LETM1: variants seen among roughly 807,000 people sequenced by gnomAD.
The protein encoded by LETM1 is leucine zipper and EF-hand containing transmembrane protein 1.
A neutral mutation model predicts 74.5 loss-of-function variants in LETM1; 50 were observed. The ratio of observed to expected loss-of-function variants is 0.67; its 90% CI spans 0.53 to 0.85. The LOEUF (loss-of-function observed/expected upper bound fraction) is 0.85, where lower values mean the gene tolerates loss of function less well. Ranked by LOEUF, LETM1 falls within the 40% of genes least tolerant of loss-of-function variation. The probability of loss-of-function intolerance (pLI) is 0.00; values close to 1 mark genes in which losing one functional copy is unlikely to be tolerated. For synonymous variants in LETM1, 446 were observed against 407.1 expected, an observed-to-expected ratio of 1.10 and a Z score of -1.15; for missense variants, 824 against 967.8, an observed-to-expected ratio of 0.85 and a Z score of 1.97.
At chr4:1,846,017 C>G (rs1288230234) in intron 2 of LETM1, among the ~76,000 whole-genome samples, 1 of 151,228 alleles carries the variant, frequency 6.6e-6, no homozygotes, top group Admixed American at 6.6e-5. Context: ...ACCATCACAC[C>G]CAGTTATTTT....
chr4:1,851,800 G>C (rs1421791097), intron 1 of LETM1, among the ~76,000 whole-genome samples: 1 of 152,186 alleles, frequency 6.6e-6, no homozygotes, highest in African/African-American at 2.4e-5. Context: ...CCGGCAAGCA[G>C]GCAGGCTGGC....
At chr4:1,848,210 C>A (rs551326825) in intron 2 of LETM1, among the ~76,000 whole-genome samples, 11 of 152,132 alleles carry the variant, frequency 7.2e-5, no homozygotes, top group African/African-American at 2.4e-4. Context: ...TCAAGACCAG[C>A]CTGGCCAACA....
At chr4:1,822,418 C>A in intron 9 of LETM1, 106 bp from the exon 10 acceptor site, 1 of 1,241,060 alleles carries the variant, frequency 8.1e-7, no homozygotes, top group Non-Finnish European at 1.0e-6. Flanking sequence ...GGGAGCAGGC[C>A]TGCAGGTGAC....
At position 1,834,539 on chromosome 4, in the gene LETM1, C is replaced by T; in HGVS notation, c.876+306G>A. 1 of 1,152,860 alleles carries T rather than the reference C, an allele frequency of 8.7e-7. No individual in the cohort carries two copies. Among genetic ancestry groups the T allele is most frequent in the South Asian group, 2.4e-5 (1 of 42,072 alleles). 71.4% of individuals were successfully genotyped at this position (1,152,860 alleles called of 1,614,324 possible). On this transcript the variant is annotated intron_variant, in intron 5 of 13. Coordinates refer to ENST00000302787, the MANE Select transcript of LETM1 (RefSeq NM_012318.3). The surrounding 1 kb of genome is among the most constrained non-coding windows in gnomAD (Gnocchi z 5.0). The stretch of plus-strand genomic sequence containing the variant: ...CCGGCCAAGCCACCCACACCTCACA[C>T]CATCAGGGTCTCAGGCTCCTCATGG...
intron 1 of LETM1, among the ~76,000 whole-genome samples, chr4:1,850,168 A>C (rs1713019802): frequency 1.3e-5 from 2 of 152,050 alleles, no homozygotes; most frequent in Non-Finnish European, 2.9e-5. Context: ...AAGAAAAAAA[A>C]AATCTGAAAG....
At chr4:1,819,185 G>A (rs534108763) in intron 11 of LETM1, among the ~76,000 whole-genome samples, 153 bp downstream of exon 11, 54 of 152,106 alleles carry the variant, frequency 3.6e-4, no homozygotes, top group Non-Finnish European at 7.2e-4. Flanking sequence ...AAAGGTTACT[G>A]AATAAGGTTT....
chr4:1,842,496 T>A (rs1248494597), intron 2 of LETM1, among the ~76,000 whole-genome samples: 1 of 152,124 alleles, frequency 6.6e-6, no homozygotes, highest in Non-Finnish European at 1.5e-5. Context: ...CCCTGACCAC[T>A]CCACCGCTCT....
chr4:1,849,508 T>C (rs934068896), intron 1 of LETM1, among the ~76,000 whole-genome samples: 17 of 152,104 alleles, frequency 1.1e-4, no homozygotes, highest in Admixed American at 5.2e-4. Flanking sequence ...CCTCAGGTGA[T>C]CCGCCCGCCT....
rs1713229784 is a variant in LETM1 at position 1,855,984 on chromosome 4, C to T, written c.-34G>A. 5.1e-6 allele frequency: 6 copies of T among 1,175,832 alleles called. No homozygotes were observed. Among genetic ancestry groups the T allele is most frequent in the Non-Finnish European group, 5.3e-6 (5 of 945,046 alleles). The allele number at this position is 1,175,832 out of a possible 1,614,324, so 72.8% of individuals were successfully genotyped here. On this transcript the variant is annotated 5_prime_UTR_variant, in exon 1 of 14. Transcript: ENST00000302787. The stretch of plus-strand genomic sequence containing the variant: ...GCGCGGCGGCCGCTCCGGCCTCCTG[C>T]GCTGCCTCCTTCTCCGCGGCGGCCG...
chr4:1,846,429 G>C (rs944804356), intron 2 of LETM1: 1 of 151,122 alleles, frequency 6.6e-6, no homozygotes, highest in African/African-American at 2.4e-5. Flanking sequence ...ACCATGCCCA[G>C]CTGATTTTTG....
At position 1,836,630 on chromosome 4, in the gene LETM1, G is replaced by A; in HGVS notation, c.595-58C>T. ...GAGCACATGTGGGAACAAGGGCAAG[G>A]GGTGTGAGCATTTCTCCTATAATGG... On this transcript the variant is annotated intron_variant, in intron 3 of 13. Transcript: ENST00000302787. This position sits in a 1 kb window ranked among gnomAD's most constrained non-coding sequence, Gnocchi z 5.8. 3.8e-6 allele frequency: 6 copies of A among 1,583,332 alleles called. No individual in the cohort carries two copies. The highest frequency in any genetic ancestry group is 1.7e-4 in the Middle Eastern group (1 of 5,946).
chr4:1,841,479 C>A lies in LETM1; in HGVS notation c.462G>T (p.Gly154=). 2 of 1,614,250 alleles carry A rather than the reference C, an allele frequency of 1.2e-6. No individual in the cohort carries two copies. The highest frequency in any genetic ancestry group is 8.5e-7 in the Non-Finnish European group (1 of 1,180,048). ...GCTTCAGCTCGTCCAGCACCCGCTG[C>A]CCCAGGGACTTCTTCACCACCACCT... The part of the protein sequence containing the change: ...PAEVVVKKSL[G]QRVLDELKHY... The change falls in exon 3 of 14, where the codon GGG becomes GGT. Residue 154 remains glycine (G), a synonymous_variant. Transcript: ENST00000302787.
chr4:1,824,367 G>A (rs1050151742), intron 7 of LETM1, among the ~76,000 whole-genome samples: 1 of 152,216 alleles, frequency 6.6e-6, no homozygotes, highest in Non-Finnish European at 1.5e-5. Context: ...CGGGCCCGCA[G>A]AGGCAGTGTC....
chr4:1,825,036 C>A (rs1196666371), intron 7 of LETM1, among the ~76,000 whole-genome samples: 1 of 152,254 alleles, frequency 6.6e-6, no homozygotes, highest in African/African-American at 2.4e-5. Flanking sequence ...TGGAGCCCTG[C>A]ACCCCTTAAC....
intron 3 of LETM1, among the ~76,000 whole-genome samples, chr4:1,840,584 G>T (rs1712652339): frequency 6.6e-6 from 1 of 150,734 alleles, no homozygotes; most frequent in South Asian, 2.1e-4. Context: ...GGAGAATGGT[G>T]TGGACCCCGG....
Position 1,823,761 on chromosome 4 carries a change from G to T in LETM1, c.1215C>A (p.His405Gln). 2 of 1,612,124 alleles carry T rather than the reference G, an allele frequency of 1.2e-6. No individual in the cohort carries two copies. Among genetic ancestry groups the T allele is most frequent in the Non-Finnish European group, 1.7e-6 (2 of 1,178,964 alleles). ...RGQLKQWLDL[H>Q]LHQEIPTSLL... ...GCGATGTGGGGATCTCCTGATGCAG[G>T]TGCAGGTCCAGCCACTGCAACCAAG... Residue 405 changes from histidine to glutamine, a missense_variant, in exon 8 of 14, where the codon CAC (histidine) becomes CAA (glutamine). Transcript: ENST00000302787.
intron 3 of LETM1, among the ~76,000 whole-genome samples, chr4:1,840,889 G>T (rs1206701796): frequency 6.6e-6 from 1 of 152,136 alleles, no homozygotes; most frequent in East Asian, 1.9e-4. Flanking sequence ...CACCCAGCTG[G>T]TGTCTGCTGC....
At chr4:1,816,200 C>T (rs539366954) in intron 12 of LETM1, among the ~76,000 whole-genome samples, 5 of 151,744 alleles carry the variant, frequency 3.3e-5, no homozygotes, top group South Asian at 2.1e-4. Context: ...CAGGGTGCCA[C>T]GTGCAGCCCA....
At chr4:1,817,020 C>A (rs1476543836) in intron 11 of LETM1, 106 bp from the exon 12 acceptor site, 3 of 896,264 alleles carry the variant, frequency 3.3e-6, no homozygotes, top group Non-Finnish European at 5.2e-6. Flanking sequence ...CCAAGGCGGG[C>A]GGATCACCTG....
Sources: gnomAD v4.1 joint callset for allele counts (sites outside exome capture counted in the v4.1 genomes callset) on GRCh38, gnomAD v4.1.1 for gene constraint, Gnocchi (gnomAD v3.1) non-coding constraint, MANE v1.5 for transcripts, NCBI Gene and HGNC (gene_info 2026-07-23, HGNC 2026-07-21) for gene names.